Variants in TTC13 observed in about 807,000 individuals in gnomAD.
The protein encoded by TTC13 is tetratricopeptide repeat protein 13.
Under a neutral mutation model 120.0 loss-of-function variants are expected in TTC13, and 62 were observed. That is an observed-to-expected ratio of 0.52 (90% CI 0.42 to 0.64). The LOEUF is 0.64. Among genes scored for constraint, TTC13 ranks in the 30% least tolerant of loss-of-function variants. The pLI, the probability that TTC13 is intolerant of heterozygous loss-of-function variation, is 0.00. For synonymous variants in TTC13, 384 were observed against 393.5 expected (o/e 0.98, Z 0.28); for missense variants, 824 against 1,050.2 (o/e 0.78, Z 2.98).
At chr1:230,907,787 G>T (rs1379734917) in intron 22 of TTC13, among the ~76,000 whole-genome samples, 1 of 152,190 alleles carries the variant, frequency 6.6e-6, no homozygotes, top group African/African-American at 2.4e-5. Context: ...AACTGGGGGT[G>T]GTTGGGATGT....
At chr1:230,956,371 T>C (rs947607630) in intron 3 of TTC13, 14 of 205,964 alleles carry the variant, frequency 6.8e-5, no homozygotes, top group African/African-American at 3.1e-4. Context: ...AAGATGACGA[T>C]TTGATCAGAA....
At chr1:230,948,779 C>A (rs1274163424) in intron 4 of TTC13, among the ~76,000 whole-genome samples, 1 of 152,256 alleles carries the variant, frequency 6.6e-6, no homozygotes, top group East Asian at 1.9e-4. Context: ...CGTGAGCCAC[C>A]ACACCCAGCT....
chr1:230,962,195 A>G (rs1676700260), intron 1 of TTC13, among the ~76,000 whole-genome samples: 1 of 146,138 alleles, frequency 6.8e-6, no homozygotes, highest in Admixed American at 6.8e-5. Flanking sequence ...GGGCAACAAG[A>G]GCAAAACTCT....
intron 6 of TTC13, 74 bp downstream of exon 6, chr1:230,943,732 A>T: frequency 1.6e-6 from 2 of 1,253,196 alleles, no homozygotes; most frequent in Non-Finnish European, 2.2e-6. Flanking sequence ...ATTTACAAAT[A>T]ATAAAGTAAT....
Position 230,920,395 on chromosome 1 carries a change from T to A in TTC13, c.1983+115A>T, listed in dbSNP as rs1236623933. 3 of 717,872 alleles carry A rather than the reference T, an allele frequency of 4.2e-6. No homozygotes were observed. The South Asian group carries it at 5.2e-5, about 12-fold the overall frequency. The allele number at this position is 717,872 out of a possible 1,614,324, so 44.5% of individuals were successfully genotyped here. A position where few individuals can be genotyped will look rare whatever the true frequency, so the allele number is the denominator to read the frequency against. The stretch of plus-strand genomic sequence containing the variant: ...TTTATTTTGGTTATTATTCAGAATG[T>A]GTTCATACGAGTGATTTCAAATAGC... On this transcript the variant is annotated intron_variant, in intron 17 of 22. Transcript: ENST00000366661.
intron 14 of TTC13, among the ~76,000 whole-genome samples, chr1:230,924,266 C>G (rs1196665618): frequency 6.6e-6 from 1 of 152,218 alleles, no homozygotes; most frequent in African/African-American, 2.4e-5. Flanking sequence ...TGGATCTGTT[C>G]TTTCAAAGAG....
chr1:230,956,551 C>G (rs995395930), intron 3 of TTC13: 4 of 395,426 alleles, frequency 1.0e-5, no homozygotes, highest in African/African-American at 2.1e-5. Context: ...ATCCCATAAT[C>G]AGTAAATATC....
At chr1:230,956,097 C>T (rs964870678) in intron 3 of TTC13, among the ~76,000 whole-genome samples, 2 of 152,228 alleles carry the variant, frequency 1.3e-5, no homozygotes, top group Admixed American at 6.5e-5. Context: ...GAGGTAGGTA[C>T]AATTATTAAC....
intron 8 of TTC13, 46 bp from the exon 9 acceptor site, chr1:230,933,907 A>G: frequency 8.4e-7 from 1 of 1,191,032 alleles, no homozygotes; most frequent in Non-Finnish European, 1.2e-6. Context: ...TAATTGTTAA[A>G]ATTGAGATTC....
chr1:230,909,738 G>A (rs1671305832), intron 20 of TTC13, among the ~76,000 whole-genome samples: 1 of 152,216 alleles, frequency 6.6e-6, no homozygotes, highest in Admixed American at 6.5e-5. Context: ...AGATGGTTTG[G>A]AGATTTGGGC....
chr1:230,917,906 CT>C (rs998093445), intron 17 of TTC13, among the ~76,000 whole-genome samples: 2 of 152,228 alleles, frequency 1.3e-5, no homozygotes, highest in African/African-American at 4.8e-5. Context: ...AGTTTCCTTT[CT>C]ATATGGTACA....
At chr1:230,909,483 T>C (rs1671270711) in intron 20 of TTC13, among the ~76,000 whole-genome samples, 1 of 152,052 alleles carries the variant, frequency 6.6e-6, no homozygotes, top group Non-Finnish European at 1.5e-5. Context: ...ATACAAAAAA[T>C]TATCCAGGAG....
chr1:230,978,766 GCGCCCGCGGCGGCCACAGCGC>G lies in TTC13; in HGVS notation c.44_64del (p.Gly15_Gly21del), dbSNP rs1369154424. The G allele has an allele frequency of 4.0e-6, 6 of 1,499,436 alleles. No homozygotes were observed. Among genetic ancestry groups the G allele is most frequent in the Non-Finnish European group, 5.3e-6 (6 of 1,133,790 alleles). The allele number at this position is 1,499,436 out of a possible 1,614,324, so 92.9% of individuals were successfully genotyped here. On this transcript the variant is annotated inframe_deletion, in exon 1 of 23. Transcript: ENST00000366661. The surrounding 1 kb of genome is among the most constrained non-coding windows in gnomAD (Gnocchi z 5.6). ...CAGCAGCAGCAGGACACGCCGGGCG[GCGCCCGCGGCGGCCACAGCGC>G]CGCCCCAGAAGCAGCAGCAGCAGCA...
intron 1 of TTC13, among the ~76,000 whole-genome samples, chr1:230,973,379 G>C (rs1220443374): frequency 6.6e-6 from 1 of 152,156 alleles, no homozygotes; most frequent in African/African-American, 2.4e-5. Flanking sequence ...CACAGAGCTA[G>C]GTTCATAGCT....
At chr1:230,919,124 C>G (rs1672324919) in intron 17 of TTC13, among the ~76,000 whole-genome samples, 1 of 152,134 alleles carries the variant, frequency 6.6e-6, no homozygotes, top group Non-Finnish European at 1.5e-5. Flanking sequence ...TACTTTTCTT[C>G]TCATTAGCAT....
At chr1:230,912,793 T>C in intron 18 of TTC13, 35 bp from the exon 19 acceptor site, 1 of 1,584,884 alleles carries the variant, frequency 6.3e-7, no homozygotes. Context: ...AAGGCATGTA[T>C]TATAAGTTCA....
intron 4 of TTC13, among the ~76,000 whole-genome samples, chr1:230,949,575 A>G (rs1288794055): frequency 6.6e-6 from 1 of 151,016 alleles, no homozygotes; most frequent in Non-Finnish European, 1.5e-5. Flanking sequence ...TCATTACTAC[A>G]GCACTGAATT....
intron 2 of TTC13, among the ~76,000 whole-genome samples, chr1:230,960,266 T>G (rs1676498414): frequency 1.3e-5 from 2 of 152,226 alleles, no homozygotes; most frequent in African/African-American, 4.8e-5. Flanking sequence ...TAGCACTAGC[T>G]TAAACTGGAA....
At chr1:230,958,832 AG>A (rs756704581) in intron 2 of TTC13, among the ~76,000 whole-genome samples, 12 of 152,208 alleles carry the variant, frequency 7.9e-5, no homozygotes, top group Non-Finnish European at 1.8e-4. Context: ...TCTCTACTAA[AG>A]TTCAAAAAAA....
Sources: allele counts gnomAD v4.1 joint callset (sites outside exome capture counted in the v4.1 genomes callset), GRCh38; gene constraint gnomAD v4.1.1; non-coding constraint Gnocchi (gnomAD v3.1); transcripts MANE v1.5; gene names NCBI Gene and HGNC (gene_info 2026-07-23, HGNC 2026-07-21).